The following NEDD4 variants were observed in gnomAD, a reference collection of about 807,000 sequenced individuals.
NEDD4 encodes E3 ubiquitin-protein ligase NEDD4.
A neutral mutation model predicts 144.9 loss-of-function variants in NEDD4; 99 were observed. The observed-to-expected ratio is 0.68, with a 90% CI of 0.58 to 0.81. The LOEUF is 0.81. Ranked by LOEUF, NEDD4 falls within the 30% of genes least tolerant of loss-of-function variation. The probability of loss-of-function intolerance (pLI) is 0.00; values close to 1 mark genes in which losing one functional copy is unlikely to be tolerated. For synonymous variants in NEDD4, 318 were observed against 350.6 expected (o/e 0.91, Z 1.04); for missense variants, 985 against 1,065.9 (o/e 0.92, Z 1.06).
chr15:55,890,895 T>A (rs1595804437), intron 5 of NEDD4, among the ~76,000 whole-genome samples: 1 of 152,194 alleles, frequency 6.6e-6, no homozygotes, highest in African/African-American at 2.4e-5. Flanking sequence ...GCCAATGAGA[T>A]TGAGCATCTT....
chr15:55,829,992 G>A lies in NEDD4; in HGVS notation c.2608C>T (p.Arg870Cys), dbSNP rs1296691740. ...KLPRAHTCFN[R>C]LDLPPYESFE... ...GATTCATAAGGTGGCAAGTCCAGGC[G>A]ATTAAAACTGAAAGAACAGAGAGGA... Residue 870 changes from arginine to cysteine, a missense_variant, in exon 29 of 29, where the codon CGC becomes TGC. Coordinates refer to ENST00000435532, the MANE Select transcript of NEDD4 (RefSeq NM_006154.4). The A allele has an allele frequency of 4.3e-6, 7 of 1,610,050 alleles. No homozygotes were observed. Among genetic ancestry groups the A allele is most frequent in the African/African-American group, 2.7e-5 (2 of 74,800 alleles).
intron 5 of NEDD4, among the ~76,000 whole-genome samples, chr15:55,883,882 C>CT (rs71110349): frequency 0.74 from 104,541 of 140,932 alleles, 38,960 homozygotes; most frequent in Admixed American, 0.82. Context: ...AGTGGCACTT[C>CT]TTTTTTTTTT....
intron 2 of NEDD4, among the ~76,000 whole-genome samples, chr15:55,959,161 T>C (rs1426766167): frequency 6.6e-6 from 1 of 152,076 alleles, no homozygotes; most frequent in Non-Finnish European, 1.5e-5. Flanking sequence ...TTTAAAGACA[T>C]AAACTTCCCT....
chr15:55,917,679 T>G (rs2036488546), intron 5 of NEDD4, among the ~76,000 whole-genome samples: 1 of 152,112 alleles, frequency 6.6e-6, no homozygotes, highest in South Asian at 2.1e-4. Context: ...GAAAAAAAGT[T>G]TAAGAGAAGC....
chr15:55,836,651 G>A (rs1477393769), intron 24 of NEDD4, among the ~76,000 whole-genome samples: 4 of 151,842 alleles, frequency 2.6e-5, no homozygotes, highest in South Asian at 2.1e-4. Flanking sequence ...TCAGCCTCCC[G>A]AGTAGCTGGG....
chr15:55,918,760 ATTATG>A (rs1161828190), intron 5 of NEDD4, among the ~76,000 whole-genome samples: 77 of 149,568 alleles, frequency 5.1e-4, no homozygotes, highest in African/African-American at 1.8e-3. Context: ...TAATACAATT[ATTATG>A]TTATTTTTGC....
chr15:55,971,204 G>A (rs763096130), intron 1 of NEDD4, among the ~76,000 whole-genome samples: 2 of 152,126 alleles, frequency 1.3e-5, no homozygotes, highest in Non-Finnish European at 2.9e-5. Flanking sequence ...TCACGCAGAA[G>A]AAAGAATTAG....
intron 2 of NEDD4, among the ~76,000 whole-genome samples, chr15:55,965,262 A>T (rs1362357021): frequency 6.6e-6 from 1 of 152,238 alleles, no homozygotes; most frequent in African/African-American, 2.4e-5. Flanking sequence ...GCATTGGCAC[A>T]ATCTTGTCTC....
intron 5 of NEDD4, chr15:55,905,238 A>G (rs2036051651): frequency 2.2e-6 from 1 of 455,310 alleles, no homozygotes; most frequent in Middle Eastern, 3.3e-4. Context: ...TGCAGAACTT[A>G]TATAAAGGAA....
chr15:55,922,095 G>A (rs1256588221), intron 5 of NEDD4, among the ~76,000 whole-genome samples: 5 of 152,208 alleles, frequency 3.3e-5, no homozygotes, highest in Admixed American at 1.3e-4. Flanking sequence ...ATCTCTTAGA[G>A]ATAGACTCAG....
At chr15:55,979,341 T>TCC in intron 1 of NEDD4, among the ~76,000 whole-genome samples, 1 of 9,580 alleles carries the variant, frequency 1.0e-4, no homozygotes, top group African/African-American at 3.9e-4. Flanking sequence ...TTTTACCTCT[T>TCC]TTTTTTTTTT....
At chr15:55,916,135 T>G (rs750015988) in intron 5 of NEDD4, 1 of 1,613,980 alleles carries the variant, frequency 6.2e-7, no homozygotes, top group Non-Finnish European at 8.5e-7. Context: ...AAAGGATCTG[T>G]ACTTGTACTT....
chr15:55,902,198 G>A (rs1302138550), intron 5 of NEDD4, among the ~76,000 whole-genome samples: 1 of 152,144 alleles, frequency 6.6e-6, no homozygotes, highest in Non-Finnish European at 1.5e-5. Flanking sequence ...ATTAAAGAAA[G>A]AGAAAATCCT....
intron 21 of NEDD4, 118 bp downstream of exon 21, chr15:55,840,329 T>C: frequency 2.2e-6 from 2 of 914,552 alleles, no homozygotes; most frequent in Non-Finnish European, 3.2e-6. Flanking sequence ...AAAAGTTCAT[T>C]TGTATTTTGA....
intron 2 of NEDD4, among the ~76,000 whole-genome samples, chr15:55,960,199 C>T (rs1467485698): frequency 6.6e-6 from 1 of 152,196 alleles, no homozygotes. Context: ...GTGTCAACTT[C>T]ATTAGACTGA....
chr15:55,958,688 T>A (rs1225719684), intron 2 of NEDD4, among the ~76,000 whole-genome samples: 1 of 152,176 alleles, frequency 6.6e-6, no homozygotes, highest in Non-Finnish European at 1.5e-5. Context: ...AAATTCAATT[T>A]CTTTCAATAA....
At chr15:55,870,128 T>C (rs1227200667) in intron 7 of NEDD4, among the ~76,000 whole-genome samples, 2 of 152,152 alleles carry the variant, frequency 1.3e-5, no homozygotes, top group Non-Finnish European at 2.9e-5. Context: ...ATAGGACATG[T>C]AAAGGGGACT....
At chr15:55,935,932 G>GT (rs1365654359) in intron 4 of NEDD4, among the ~76,000 whole-genome samples, 2 of 150,564 alleles carry the variant, frequency 1.3e-5, no homozygotes, top group Non-Finnish European at 3.0e-5. Context: ...ACTGCTGTAA[G>GT]TATCTGTGAC....
chr15:55,894,011 T>C (rs2035657213), intron 5 of NEDD4, among the ~76,000 whole-genome samples: 1 of 152,110 alleles, frequency 6.6e-6, no homozygotes, highest in East Asian at 1.9e-4. Flanking sequence ...AATCTTTCTA[T>C]ATGTCAATGA....
Sources: gnomAD v4.1 joint callset for allele counts (sites outside exome capture counted in the v4.1 genomes callset) on GRCh38, gnomAD v4.1.1 for gene constraint, MANE v1.5 for transcripts, NCBI Gene and HGNC (gene_info 2026-07-23, HGNC 2026-07-21) for gene names.